The following MON1A variants were observed in gnomAD, a reference collection of about 807,000 sequenced individuals.
MON1A encodes vacuolar fusion protein MON1 homolog A.
A neutral mutation model predicts 44.6 loss-of-function variants in MON1A; 29 were observed. That is an observed-to-expected ratio of 0.65 (90% CI 0.48 to 0.89). The LOEUF (loss-of-function observed/expected upper bound fraction) is 0.89. MON1A is among the 40% of genes least tolerant of loss of function. The pLI is 0.00. For missense variants in MON1A, 615 were observed against 759.6 expected (o/e 0.81, Z 2.24); for synonymous variants, 275 against 316.4 (o/e 0.87, Z 1.39).
chr3:49,923,586 T>C (rs913632190), intron 1 of MON1A, among the ~76,000 whole-genome samples: 13 of 150,432 alleles, frequency 8.6e-5, no homozygotes, highest in Non-Finnish European at 1.9e-4. Context: ...CCCGAGTAGC[T>C]GGGACTACAG....
rs779478155 is a variant in MON1A, at chr3:49,910,386, T to G, written c.1112A>C (p.Lys371Thr). The G allele has an allele frequency of 5.0e-6, 8 of 1,614,044 alleles. No individual in the cohort carries two copies. The Admixed American group carries it at 1.0e-4, about 20-fold the overall frequency. ...GEAWTPVCLP[K>T]FNAAGFFHAH... is the part of the protein sequence containing the mutation. ...GTGGAAGAAGCCGGCTGCGTTGAAT[T>G]TGGGCAGGCACACGGGCGTCCAGGC... Residue 371 changes from lysine to threonine, a missense_variant, in exon 4 of 6, where the codon AAA becomes ACA. Physicochemically the swap from Lys to Thr is moderately conservative, Grantham distance 78. Coordinates refer to ENST00000296473, the MANE Select transcript of MON1A (RefSeq NM_032355.4). The surrounding 1 kb of genome is among the most constrained non-coding windows in gnomAD (Gnocchi z 8.0).
intron 1 of MON1A, among the ~76,000 whole-genome samples, chr3:49,926,451 T>A (rs1186271087): frequency 2.0e-5 from 3 of 152,124 alleles, no homozygotes; most frequent in Non-Finnish European, 2.9e-5. Flanking sequence ...TTAAGCCACA[T>A]GCGGGAGGAG....
rs762403666 is a variant in MON1A, at chr3:49,911,728, C to T, written c.411G>A (p.Glu137=). The T allele has an allele frequency of 1.2e-6, 2 of 1,613,850 alleles. No homozygotes were observed. ...VGRPATEPPR[E]GTTEGDEEDA... is the part of the protein sequence containing the mutation. ...CCTCCTCATCCCCCTCGGTTGTGCC[C>T]TCCCTGGGGGGCTCTGTGGCTGGTC... is the stretch of plus-strand genomic sequence containing the variant. Residue 137 remains glutamate, a synonymous_variant, in exon 3 of 6, where the codon GAG becomes GAA. Coordinates refer to ENST00000296473, the MANE Select transcript of MON1A (RefSeq NM_032355.4). This position sits in a 1 kb window ranked among gnomAD's most constrained non-coding sequence, Gnocchi z 5.7.
At chr3:49,916,745 G>T (rs1243465043) in intron 1 of MON1A, 1 of 152,268 alleles carries the variant, frequency 6.6e-6, no homozygotes. Flanking sequence ...GAACTAAGAG[G>T]CTGCATGCCC....
chr3:49,914,112 C>T (rs1293390125), intron 1 of MON1A, among the ~76,000 whole-genome samples: 6 of 140,040 alleles, frequency 4.3e-5, no homozygotes, highest in African/African-American at 1.4e-4. Flanking sequence ...TTTTTTGAGA[C>T]GGAGTTTCGC....
At chr3:49,917,746 C>T (rs761834581) in intron 1 of MON1A, among the ~76,000 whole-genome samples, 5 of 151,944 alleles carry the variant, frequency 3.3e-5, no homozygotes, top group Admixed American at 6.6e-5. Context: ...AGACAGAAGT[C>T]GTTAGAAGAG....
At chr3:49,919,310 T>TA (rs2082975791) in intron 1 of MON1A, among the ~76,000 whole-genome samples, 1 of 152,218 alleles carries the variant, frequency 6.6e-6, no homozygotes, top group South Asian at 2.1e-4. Flanking sequence ...AACTTCCCCT[T>TA]AACTCTACAT....
intron 1 of MON1A, among the ~76,000 whole-genome samples, chr3:49,918,568 C>T (rs965793846): frequency 1.3e-5 from 2 of 151,870 alleles, no homozygotes. Flanking sequence ...CCCACCACTT[C>T]GCCCGGATAA....
chr3:49,909,502 A>C lies in MON1A; in HGVS notation c.1380-102T>G, dbSNP rs2082849998. The C allele has an allele frequency of 4.7e-6, 7 of 1,483,006 alleles. No homozygotes were observed. In the East Asian group the frequency reaches 9.1e-5, roughly 19 times the overall value. The allele number at this position is 1,483,006 out of a possible 1,614,324, so 91.9% of individuals were successfully genotyped here. On this transcript the variant is annotated intron_variant, in intron 4 of 5. Coordinates refer to ENST00000296473, the MANE Select transcript of MON1A (RefSeq NM_032355.4). The surrounding 1 kb of genome is among the most constrained non-coding windows in gnomAD (Gnocchi z 4.0). ...TTCCTATCCAGGAAGACTCTATCTT[A>C]TGTCCTACCCTCCAGGTGCTCCCTT...
At position 49,909,340 on chromosome 3, in the gene MON1A, G is replaced by A. The variant is rs2082848085; in HGVS notation, c.1440C>T (p.Tyr480=). 1 of 1,613,924 alleles carries A rather than the reference G, an allele frequency of 6.2e-7. No homozygotes were observed. The highest frequency in any genetic ancestry group is 1.3e-5 in the African/African-American group (1 of 74,916). The change falls in exon 5 of 6, where the codon TAC becomes TAT. Residue 480 remains tyrosine, a synonymous_variant. Coordinates refer to ENST00000296473, the MANE Select transcript of MON1A (RefSeq NM_032355.4). The surrounding 1 kb of genome is among the most constrained non-coding windows in gnomAD (Gnocchi z 4.0). ...TGTGGGCACGACTGTGCAAGTACTG[G>A]TAGAGGCCCAGCAGCCGCTCCTGCT... ...EEEQERLLGL[Y]QYLHSRAHNA...
Position 49,908,943 on chromosome 3 carries a change from C to A in MON1A, c.*71G>T. On this transcript the variant is annotated 3_prime_UTR_variant, in exon 6 of 6. Transcript: ENST00000296473. ...CGCTGGCTGGGCAAGAGAGGCCAGC[C>A]CCCATCTGGAGGCTCCTATGGCTTC... is the stretch of plus-strand genomic sequence containing the variant. 7.2e-6 allele frequency: 11 copies of A among 1,526,716 alleles called. No homozygotes were observed. Among genetic ancestry groups the A allele is most frequent in the Non-Finnish European group, 9.7e-6 (11 of 1,133,784 alleles). The allele number at this position is 1,526,716 out of a possible 1,614,324, so 94.6% of individuals were successfully genotyped here. A position where few individuals can be genotyped will look rare whatever the true frequency, so the allele number is the denominator to read the frequency against.
Position 49,910,184 on chromosome 3 carries a change from G to T in MON1A, c.1314C>A (p.Ala438=). The change falls in exon 4 of 6, where the codon GCC becomes GCA. Residue 438 remains alanine, a synonymous_variant. Transcript: ENST00000296473. This position sits in a 1 kb window ranked among gnomAD's most constrained non-coding sequence, Gnocchi z 8.0. ...GACGCAGGTCAGGGATGCCCACTTG[G>T]GCAACGCTGTAGTAGGGTGTGCGCA... ...EALRTPYYSV[A]QVGIPDLRHF... 1 of 1,612,696 alleles carries T rather than the reference G, an allele frequency of 6.2e-7. No homozygotes were observed. The highest frequency in any genetic ancestry group is 8.5e-7 in the Non-Finnish European group (1 of 1,178,866).
chr3:49,918,363 C>G (rs2082966577), intron 1 of MON1A, among the ~76,000 whole-genome samples: 1 of 151,756 alleles, frequency 6.6e-6, no homozygotes, highest in African/African-American at 2.4e-5. Flanking sequence ...AAAAAAAGAA[C>G]TTCCGGAGAT....
chr3:49,923,164 AC>A (rs1280222711), intron 1 of MON1A, among the ~76,000 whole-genome samples: 2 of 148,474 alleles, frequency 1.3e-5, no homozygotes, highest in Non-Finnish European at 3.0e-5. Flanking sequence ...ACACGGTGAA[AC>A]CCCATCTCTA....
At chr3:49,926,623 A>C (rs2083053649) in intron 1 of MON1A, among the ~76,000 whole-genome samples, 1 of 151,862 alleles carries the variant, frequency 6.6e-6, no homozygotes, top group South Asian at 2.1e-4. Flanking sequence ...CGCCTGGCTA[A>C]TTTTTTAATT....
Position 49,913,364 on chromosome 3 carries a change from G to A in MON1A, c.-13-5C>T. On this transcript the variant is annotated splice_region_variant and splice_polypyrimidine_tract_variant and intron_variant, in intron 1 of 5. Transcript: ENST00000296473. ...GTAGCCATCCTTTGAGCTCTCCTGT[G>A]GGGCAAACAAATGCAACATCGATGG... 1 of 1,603,036 alleles carries A rather than the reference G, an allele frequency of 6.2e-7. No homozygotes were observed. Among genetic ancestry groups the A allele is most frequent in the Non-Finnish European group, 8.5e-7 (1 of 1,171,176 alleles).
chr3:49,919,779 A>G (rs1398743802), intron 1 of MON1A, among the ~76,000 whole-genome samples: 1 of 152,134 alleles, frequency 6.6e-6, no homozygotes, highest in Non-Finnish European at 1.5e-5. Context: ...CACCGCACCC[A>G]GCCCCAAAGA....
In MON1A at chr3:49,909,175, C is replaced by T. The variant is rs761233132; in HGVS notation, c.1528-21G>A. The T allele has an allele frequency of 1.4e-5, 22 of 1,609,502 alleles. No homozygotes were observed. The highest frequency in any genetic ancestry group is 1.7e-5 in the Non-Finnish European group (20 of 1,176,954). ...GTCACCTGGAGAAGGGGCAAAGGGT[C>T]GTCATCTAGGTTAGAGGCCCCTCAT... is the stretch of plus-strand genomic sequence containing the variant. On this transcript the variant is annotated intron_variant, in intron 5 of 5. Transcript: ENST00000296473. This position sits in a 1 kb window ranked among gnomAD's most constrained non-coding sequence, Gnocchi z 4.0.
rs538472049 is a variant in MON1A at position 49,916,533 on chromosome 3, AGCACATGGAGGGTTGG to A, written c.-13-3190_-13-3175del. On this transcript the variant is annotated intron_variant, in intron 1 of 5. Transcript: ENST00000296473. ...CTGCACTGAGCCTGAAGGACCGCAGAGCACATGGAGGGTTGGGCACCACTGCCAACAGCATCACCCC... is the reference window on the plus strand; with the variant it reads ...CTGCACTGAGCCTGAAGGACCGCAGAGCACCACTGCCAACAGCATCACCCC... The A allele has an allele frequency of 2.6e-5, 4 of 152,388 alleles. No homozygotes were observed. In the South Asian group the frequency reaches 8.3e-4, roughly 32 times the overall value. 9.4% of individuals were successfully genotyped at this position (152,388 alleles called of 1,614,324 possible).
Sources: gnomAD v4.1 joint callset for allele counts (sites outside exome capture counted in the v4.1 genomes callset) on GRCh38, gnomAD v4.1.1 for gene constraint, Gnocchi (gnomAD v3.1) non-coding constraint, MANE v1.5 for transcripts, NCBI Gene and HGNC (gene_info 2026-07-23, HGNC 2026-07-21) for gene names.